Variants in KCNJ6 observed in about 807,000 individuals in gnomAD.
KCNJ6 encodes potassium inwardly rectifying channel subfamily J member 6.
Under a neutral mutation model 34.2 loss-of-function variants are expected in KCNJ6, and 9 were observed. That is an observed-to-expected ratio of 0.26 (90% CI 0.16 to 0.46). The LOEUF (loss-of-function observed/expected upper bound fraction) is 0.46, where lower values mean the gene tolerates loss of function less well. KCNJ6 is among the 20% of genes least tolerant of loss of function. The pLI is 1.00. For missense variants in KCNJ6, 236 were observed against 531.3 expected, an observed-to-expected ratio of 0.44 and a Z score of 5.46; for synonymous variants, 196 against 207.1, an observed-to-expected ratio of 0.95 and a Z score of 0.46.
rs994923192 is a variant in KCNJ6, at chr21:37,784,689, G to A, written c.25+55969C>T. Among the ~76,000 whole-genome samples the A allele has an allele frequency of 1.2e-4, 18 of 152,080 alleles. 1 individual carries two copies. The highest frequency in any genetic ancestry group is 4.3e-4 in the African/African-American group (18 of 41,476). On this transcript the variant is annotated intron_variant, in intron 2 of 3. Coordinates refer to ENST00000609713, the MANE Select transcript of KCNJ6 (RefSeq NM_002240.5). ...TCTCTTACCACCCCTCTGCTTGGGG[G>A]CCCAGCGGCTGGGTCTGTGTTTCAC...
At chr21:37,899,483 A>T (rs901932819) in intron 1 of KCNJ6, among the ~76,000 whole-genome samples, 2 of 152,138 alleles carry the variant, frequency 1.3e-5, no homozygotes, top group Admixed American at 1.3e-4. Context: ...CCTCAAGTCT[A>T]AAAATTATAA....
intron 2 of KCNJ6, among the ~76,000 whole-genome samples, chr21:37,830,711 T>C (rs2055421736): frequency 6.6e-6 from 1 of 152,176 alleles, no homozygotes; most frequent in Non-Finnish European, 1.5e-5. Context: ...CAACGTGATC[T>C]CCAAGACAGC....
intron 1 of KCNJ6, among the ~76,000 whole-genome samples, chr21:37,901,649 G>T (rs1244498168): frequency 6.6e-6 from 1 of 152,182 alleles, no homozygotes. Flanking sequence ...AAATTCAGTT[G>T]TTAAAAATCT....
intron 2 of KCNJ6, among the ~76,000 whole-genome samples, chr21:37,761,417 GTGTGTGTGTTGTGT>G (rs937819022): frequency 6.6e-6 from 1 of 150,620 alleles, no homozygotes; most frequent in African/African-American, 2.5e-5. Flanking sequence ...TGTGTATGTG[GTGTGTGTGTTGTGT>G]TGTGTGTGTA....
In KCNJ6 at chr21:37,697,416, G is replaced by A. The variant is rs116734330; in HGVS notation, c.946+16795C>T. On this transcript the variant is annotated intron_variant, in intron 3 of 3. Coordinates refer to ENST00000609713, the MANE Select transcript of KCNJ6 (RefSeq NM_002240.5). Reference sequence around the variant, plus strand: ...GTGGGAAAGACAGAGAACAAAGCAAGCCGGGAAGAACCTGAGTATTCCCAA... The same window carrying A: ...GTGGGAAAGACAGAGAACAAAGCAAACCGGGAAGAACCTGAGTATTCCCAA... 8.6e-3 allele frequency among the ~76,000 whole-genome samples: 1,306 copies of A among 152,290 alleles called. 12 individuals carry two copies. The highest frequency in any genetic ancestry group is 0.029 in the African/African-American group (1,221 of 41,552).
chr21:37,682,354 C>T (rs534988530), intron 3 of KCNJ6, among the ~76,000 whole-genome samples: 113 of 152,262 alleles, frequency 7.4e-4, no homozygotes, highest in African/African-American at 2.5e-3. Context: ...ACTGCCCAGC[C>T]GAGCCAGCAG....
chr21:37,745,092 T>G (rs1405406451), intron 2 of KCNJ6, among the ~76,000 whole-genome samples: 1 of 77,100 alleles, frequency 1.3e-5, no homozygotes, highest in African/African-American at 3.7e-5. Context: ...TTTTTTTTTT[T>G]TTTTTTTTTT....
At chr21:37,899,030 C>T (rs976248543) in intron 1 of KCNJ6, among the ~76,000 whole-genome samples, 2 of 152,166 alleles carry the variant, frequency 1.3e-5, no homozygotes, top group African/African-American at 4.8e-5. Context: ...TTAAAAAGAA[C>T]TTACATAGTA....
chr21:37,721,479 C>T (rs73416135), intron 2 of KCNJ6, among the ~76,000 whole-genome samples: 10,969 of 152,250 alleles, frequency 0.072, 829 homozygotes, highest in African/African-American at 0.19. Flanking sequence ...CACCAGTGTT[C>T]ATACTAGCAT....
chr21:37,728,719 T>C (rs1269639787), intron 2 of KCNJ6, among the ~76,000 whole-genome samples: 1 of 151,878 alleles, frequency 6.6e-6, no homozygotes. Context: ...TATGTTTGAA[T>C]TGCAAAGCAG....
intron 3 of KCNJ6, among the ~76,000 whole-genome samples, chr21:37,668,062 G>A (rs185482071): frequency 8.5e-5 from 13 of 152,274 alleles, no homozygotes; most frequent in East Asian, 5.8e-4. Flanking sequence ...ATCAGTGGGC[G>A]CAGCTGAGAA....
intron 3 of KCNJ6, among the ~76,000 whole-genome samples, chr21:37,678,334 T>C (rs143435461): frequency 4.2e-4 from 64 of 152,350 alleles, no homozygotes; most frequent in Admixed American, 2.6e-4. Context: ...TTGCATGTTA[T>C]CCTGTAATCC....
rs1001248396 is a variant in KCNJ6 at position 37,623,067 on chromosome 21, G to C, written c.*2092C>G. 1 of 152,208 alleles carries C rather than the reference G, an allele frequency of 6.6e-6. No individual in the cohort carries two copies. Among genetic ancestry groups the C allele is most frequent in the African/African-American group, 2.4e-5 (1 of 41,428 alleles). 9.4% of individuals were successfully genotyped at this position (152,208 alleles called of 1,614,324 possible). On this transcript the variant is annotated 3_prime_UTR_variant, in exon 4 of 4. Transcript: ENST00000609713. The stretch of plus-strand genomic sequence containing the variant: ...GACCACCACCTCCTTCTTAGAGTGT[G>C]CGAAATAAAGAAATGATTCAACAGA...
At chr21:37,653,982 G>A (rs2054445631) in intron 3 of KCNJ6, among the ~76,000 whole-genome samples, 1 of 152,090 alleles carries the variant, frequency 6.6e-6, no homozygotes, top group African/African-American at 2.4e-5. Context: ...AAGAAGGAGT[G>A]TGGGGACCCT....
At chr21:37,852,638 C>A (rs1230049844) in intron 1 of KCNJ6, among the ~76,000 whole-genome samples, 2 of 152,116 alleles carry the variant, frequency 1.3e-5, no homozygotes, top group African/African-American at 4.8e-5. Flanking sequence ...ATAGTAACAC[C>A]AAAAATGCTT....
rs890850561 is a variant in KCNJ6 at position 37,812,129 on chromosome 21, T to C, written c.25+28529A>G. ...ATTGGAAACCATGTAAATTAGATTA[T>C]TAATTATAAATAAAAATGCTCTGGT... On this transcript the variant is annotated intron_variant, in intron 2 of 3. Coordinates refer to ENST00000609713, the MANE Select transcript of KCNJ6 (RefSeq NM_002240.5). Among the ~76,000 whole-genome samples, 7 of 152,342 alleles carry C rather than the reference T, an allele frequency of 4.6e-5. No individual in the cohort carries two copies. The East Asian group carries it at 9.6e-4, about 21-fold the overall frequency.
At chr21:37,889,361 GGAGCCCTCCAGAA>G (rs2055750823) in intron 1 of KCNJ6, among the ~76,000 whole-genome samples, 1 of 152,134 alleles carries the variant, frequency 6.6e-6, no homozygotes, top group East Asian at 1.9e-4. Flanking sequence ...TGACAAGCAA[GGAGCCCTCCAGAA>G]TCCCCATGCT....
At chr21:37,652,618 G>C (rs2835868) in intron 3 of KCNJ6, among the ~76,000 whole-genome samples, 22,103 of 152,068 alleles carry the variant, frequency 0.15, 2,486 homozygotes, top group African/African-American at 0.31. Flanking sequence ...TTAGGGTGAG[G>C]CTATTCTGGA....
chr21:37,614,110 C>T lies in KCNJ6; in HGVS notation c.*11049G>A, dbSNP rs1441263417. The T allele has an allele frequency of 6.6e-6, 1 of 152,102 alleles. No individual in the cohort carries two copies. The highest frequency in any genetic ancestry group is 1.5e-5 in the Non-Finnish European group (1 of 68,034). The allele number at this position is 152,102 out of a possible 1,614,324, so 9.4% of individuals were successfully genotyped here. A position where few individuals can be genotyped will look rare whatever the true frequency, so the allele number is the denominator to read the frequency against. ...GTTTTTAAAAAAGGGGTGGAGGAAGCTATTTCCGACCAGTGAAATGATATA... is the reference window on the plus strand; with the variant it reads ...GTTTTTAAAAAAGGGGTGGAGGAAGTTATTTCCGACCAGTGAAATGATATA... On this transcript the variant is annotated 3_prime_UTR_variant, in exon 4 of 4. Transcript: ENST00000609713.
Sources: gnomAD v4.1 joint callset for allele counts (sites outside exome capture counted in the v4.1 genomes callset) on GRCh38, gnomAD v4.1.1 for gene constraint, MANE v1.5 for transcripts, NCBI Gene and HGNC (gene_info 2026-07-23, HGNC 2026-07-21) for gene names.